The following KLRG1 variants were observed in gnomAD, a reference collection of about 807,000 sequenced individuals.
KLRG1 encodes killer cell lectin like receptor G1, also known as killer cell lectin-like receptor subfamily G member 1.
KLRG1 carries 16 observed loss-of-function variants against 21.8 expected under a neutral mutation model. The observed-to-expected ratio is 0.73, with a 90% CI of 0.50 to 1.11. The LOEUF (loss-of-function observed/expected upper bound fraction) is 1.11. Among genes scored for constraint, KLRG1 ranks in the 50% most tolerant of loss-of-function variants. KLRG1 has a pLI of 0.00. For synonymous variants in KLRG1, 69 were observed against 75.9 expected (o/e 0.91, Z 0.47); for missense variants, 173 against 218.3 (o/e 0.79, Z 1.31).
At chr12:9,209,005 G>A in the KLRG1 span, among the ~76,000 whole-genome samples, 1 of 151,904 alleles carries the variant, frequency 6.6e-6, no homozygotes, top group Non-Finnish European at 1.5e-5. Context: ...TACTGTCTGA[G>A]CACTCTAACG....
At chr12:9,165,483 C>A in the KLRG1 span, 3 of 1,176,944 alleles carry the variant, frequency 2.5e-6, no homozygotes, top group Non-Finnish European at 3.6e-6. Flanking sequence ...AGGGTATATG[C>A]GAGTGTGCAT....
At chr12:9,027,709 T>C in the KLRG1 span, 13 of 1,220,236 alleles carry the variant, frequency 1.1e-5, no homozygotes, top group Non-Finnish European at 1.3e-5. Flanking sequence ...CCAAAATTCA[T>C]TGTAGCTTCC....
chr12:8,977,855 AT>A (rs1946683566), intron 1 of KLRG1, among the ~76,000 whole-genome samples: 1 of 151,874 alleles, frequency 6.6e-6, no homozygotes, highest in Non-Finnish European at 1.5e-5. Context: ...GTGTTTCTGT[AT>A]TGTTTCAATC....
At chr12:9,107,332 C>T in the KLRG1 span, among the ~76,000 whole-genome samples, 5 of 152,298 alleles carry the variant, frequency 3.3e-5, no homozygotes, top group African/African-American at 1.2e-4. Flanking sequence ...CTGAAACACT[C>T]ACAATGGGCA....
upstream of KLRG1, among the ~76,000 whole-genome samples, chr12:8,986,380 A>G (rs1592258719): frequency 6.6e-6 from 1 of 152,246 alleles, no homozygotes; most frequent in East Asian, 1.9e-4. Context: ...CTGAATGGGG[A>G]GTATCTACAT....
the KLRG1 span, among the ~76,000 whole-genome samples, chr12:9,181,654 A>G: frequency 6.6e-6 from 1 of 152,184 alleles, no homozygotes; most frequent in African/African-American, 2.4e-5. Flanking sequence ...CTGACACATG[A>G]TAAGGTAATT....
chr12:9,027,946 A>T, the KLRG1 span: 2 of 919,504 alleles, frequency 2.2e-6, no homozygotes, highest in Non-Finnish European at 1.8e-6. Flanking sequence ...TCTTGCTTTG[A>T]CAGTGCTTTC....
chr12:9,079,521 T>A, the KLRG1 span: 1 of 1,100,652 alleles, frequency 9.1e-7, no homozygotes, highest in Non-Finnish European at 1.3e-6. Flanking sequence ...TTAACTATCA[T>A]AGCAGCTATC....
intron 2 of KLRG1, among the ~76,000 whole-genome samples, chr12:8,994,426 G>A (rs916693678): frequency 2.0e-5 from 3 of 152,122 alleles, no homozygotes; most frequent in Non-Finnish European, 2.9e-5. Context: ...TGGATCTTCC[G>A]TATTTAAAAG....
chr12:9,030,366 C>T, the KLRG1 span, among the ~76,000 whole-genome samples: 1 of 152,082 alleles, frequency 6.6e-6, no homozygotes, highest in Non-Finnish European at 1.5e-5. Context: ...TAATTATATT[C>T]ACCATGTTGT....
At chr12:9,085,567 A>G in the KLRG1 span, among the ~76,000 whole-genome samples, 1 of 152,132 alleles carries the variant, frequency 6.6e-6, no homozygotes. Context: ...AAAATTTCCA[A>G]TAAAGATACT....
chr12:8,961,406 TA>T (rs1369479377), intron 1 of KLRG1, among the ~76,000 whole-genome samples: 1 of 152,054 alleles, frequency 6.6e-6, no homozygotes, highest in African/African-American at 2.4e-5. Flanking sequence ...TGGCAATTTT[TA>T]TTTATTTATT....
the KLRG1 span, among the ~76,000 whole-genome samples, chr12:9,129,700 A>T: frequency 1.3e-5 from 2 of 151,994 alleles, no homozygotes; most frequent in Non-Finnish European, 2.9e-5. Context: ...GGCGCCCGCC[A>T]CCACGCCCGG....
the KLRG1 span, among the ~76,000 whole-genome samples, chr12:9,179,055 G>T: frequency 6.6e-6 from 1 of 152,264 alleles, no homozygotes; most frequent in African/African-American, 2.4e-5. Context: ...ATTCATGAGG[G>T]AGTTAAAGCT....
the KLRG1 span, chr12:9,077,695 A>G: frequency 6.2e-7 from 1 of 1,613,458 alleles, no homozygotes; most frequent in Middle Eastern, 1.7e-4. Context: ...CTCCAGAATG[A>G]TTCACCTTTA....
chr12:9,050,038 A>G, the KLRG1 span, among the ~76,000 whole-genome samples: 1 of 152,184 alleles, frequency 6.6e-6, no homozygotes, highest in Non-Finnish European at 1.5e-5. Context: ...AGTGTCAATT[A>G]TTGATTTTAA....
chr12:8,973,651 T>G (rs1275596528), intron 1 of KLRG1, among the ~76,000 whole-genome samples: 2 of 152,216 alleles, frequency 1.3e-5, no homozygotes, highest in Non-Finnish European at 2.9e-5. Flanking sequence ...AGTATGGATA[T>G]TTTAACAGTA....
chr12:8,963,842 T>C (rs988243215), intron 1 of KLRG1, among the ~76,000 whole-genome samples: 6 of 152,238 alleles, frequency 3.9e-5, no homozygotes, highest in Admixed American at 2.6e-4. Context: ...TATAGTATTC[T>C]CTGATGGTAG....
intron 1 of KLRG1, among the ~76,000 whole-genome samples, chr12:8,965,540 A>G (rs1946455174): frequency 6.6e-6 from 1 of 152,092 alleles, no homozygotes; most frequent in South Asian, 2.1e-4. Context: ...TTATACACCA[A>G]TAACAGACAA....
Sources: allele counts gnomAD v4.1 joint callset (sites outside exome capture counted in the v4.1 genomes callset), GRCh38; gene constraint gnomAD v4.1.1; transcripts MANE v1.5; gene names NCBI Gene and HGNC (gene_info 2026-07-23, HGNC 2026-07-21).